Variants in KCNQ1 observed in about 807,000 individuals in gnomAD.
The protein encoded by KCNQ1 is potassium voltage-gated channel subfamily Q member 1.
In KCNQ1, 49 loss-of-function variants were observed where a neutral mutation model predicts 72.4. That is an observed-to-expected ratio of 0.68 (90% CI 0.54 to 0.86). The LOEUF is 0.86. Among genes scored for constraint, KCNQ1 ranks in the 40% least tolerant of loss-of-function variants. The probability of loss-of-function intolerance (pLI) is 0.00; values close to 1 mark genes in which losing one functional copy is unlikely to be tolerated. For synonymous variants in KCNQ1, 450 were observed against 412.6 expected (o/e 1.09, Z -1.10); for missense variants, 790 against 945.1 (o/e 0.84, Z 2.15).
chr11:2,732,375 C>T (rs1845871268), intron 11 of KCNQ1, among the ~76,000 whole-genome samples: 1 of 152,208 alleles, frequency 6.6e-6, no homozygotes, highest in East Asian at 1.9e-4. Context: ...GGTGCTGAGG[C>T]CACCAGCTGG....
At chr11:2,476,188 A>C (rs1846566100) in intron 1 of KCNQ1, among the ~76,000 whole-genome samples, 1 of 152,248 alleles carries the variant, frequency 6.6e-6, no homozygotes, top group Non-Finnish European at 1.5e-5. Context: ...TGGAACACTC[A>C]CAAACATTGA....
intron 10 of KCNQ1, chr11:2,625,530 TC>T (rs1044199859): frequency 2.8e-5 from 11 of 398,288 alleles, no homozygotes; most frequent in African/African-American, 2.3e-4. Flanking sequence ...CGTACTATTA[TC>T]CATTTGTATA....
chr11:2,731,399 C>G (rs1845856560), intron 11 of KCNQ1, among the ~76,000 whole-genome samples: 1 of 152,224 alleles, frequency 6.6e-6, no homozygotes, highest in African/African-American at 2.4e-5. Flanking sequence ...CACATTCCGG[C>G]TGTGTGTCAG....
chr11:2,701,810 C>T (rs927821820), intron 11 of KCNQ1, among the ~76,000 whole-genome samples: 2 of 152,214 alleles, frequency 1.3e-5, no homozygotes, highest in Admixed American at 1.3e-4. Context: ...CCAAAAAGAG[C>T]AGGGCAGGGC....
chr11:2,576,258 G>A (rs1325151435), intron 6 of KCNQ1, among the ~76,000 whole-genome samples: 8 of 152,194 alleles, frequency 5.3e-5, no homozygotes, highest in East Asian at 1.9e-4. Context: ...CAGCGAAGGC[G>A]CCGGCTCAGT....
At chr11:2,751,283 C>A (rs745957073) in intron 11 of KCNQ1, among the ~76,000 whole-genome samples, 15 of 152,208 alleles carry the variant, frequency 9.9e-5, no homozygotes, top group Non-Finnish European at 1.5e-4. Flanking sequence ...TCCTCCCACA[C>A]CCTCATCCAA....
intron 11 of KCNQ1, among the ~76,000 whole-genome samples, chr11:2,744,886 G>A (rs1461525261): frequency 2.0e-5 from 3 of 152,004 alleles, no homozygotes; most frequent in African/African-American, 7.2e-5. Context: ...CACCTGCCCT[G>A]CAGCCATTCC....
chr11:2,708,717 G>T (rs7925578), intron 11 of KCNQ1, among the ~76,000 whole-genome samples: 62,970 of 151,706 alleles, frequency 0.42, 14,041 homozygotes, highest in East Asian at 0.77. Context: ...CGCGGGTTGC[G>T]GGGGGCGGTC....
At position 2,621,815 on chromosome 11, in the gene KCNQ1, C is replaced by A. The variant is rs1251777318; in HGVS notation, c.1393+32961C>A. On this transcript the variant is annotated intron_variant, in intron 10 of 15. Coordinates refer to ENST00000155840, the MANE Select transcript of KCNQ1 (RefSeq NM_000218.3). The surrounding 1 kb of genome is among the most constrained non-coding windows in gnomAD (Gnocchi z 5.7). ...TTTTTCAAAAATCAATTCTTTGTTT[C>A]AAAAATTGAAGTCTTAGTTTTACTG... 5 of 398,236 alleles carry A rather than the reference C, an allele frequency of 1.3e-5. No homozygotes were observed. The highest frequency in any genetic ancestry group is 1.8e-5 in the Non-Finnish European group (4 of 225,892). The allele number at this position is 398,236 out of a possible 1,614,324, so 24.7% of individuals were successfully genotyped here.
chr11:2,848,084 C>A lies in KCNQ1; in HGVS notation c.*81C>A. ...CCACCTGGCCCTCTCTGAAGGAGGC[C>A]ACCTCCTAAAAGGCCCAGAGAGAAG... is the stretch of plus-strand genomic sequence containing the variant. On this transcript the variant is annotated 3_prime_UTR_variant, in exon 16 of 16. Transcript: ENST00000155840. The A allele has an allele frequency of 8.3e-7, 1 of 1,202,802 alleles. No homozygotes were observed. Among genetic ancestry groups the A allele is most frequent in the Non-Finnish European group, 1.2e-6 (1 of 842,388 alleles). 74.5% of individuals were successfully genotyped at this position (1,202,802 alleles called of 1,614,324 possible). A position where few individuals can be genotyped will look rare whatever the true frequency, so the allele number is the denominator to read the frequency against.
chr11:2,703,750 G>A lies in KCNQ1; in HGVS notation c.1514+41669G>A, dbSNP rs1850860149. On this transcript the variant is annotated intron_variant, in intron 11 of 15. Coordinates refer to ENST00000155840, the MANE Select transcript of KCNQ1 (RefSeq NM_000218.3). The surrounding 1 kb of genome is among the most constrained non-coding windows in gnomAD (Gnocchi z 6.4). ...GTGGGAGCCCCTCACCCAAGCAGCA[G>A]GATGTGTGGCAGGCCCTGGCCAAGG... Among the ~76,000 whole-genome samples, 1 of 152,208 alleles carries A rather than the reference G, an allele frequency of 6.6e-6. No homozygotes were observed. The highest frequency in any genetic ancestry group is 2.4e-5 in the African/African-American group (1 of 41,456).
At chr11:2,800,629 C>G (rs982201367) in intron 15 of KCNQ1, among the ~76,000 whole-genome samples, 2 of 152,186 alleles carry the variant, frequency 1.3e-5, no homozygotes, top group African/African-American at 4.8e-5. Flanking sequence ...AGGTTCCAAG[C>G]TTGAAGTGGA....
intron 11 of KCNQ1, among the ~76,000 whole-genome samples, chr11:2,744,849 T>G (rs1203991403): frequency 6.6e-6 from 1 of 152,148 alleles, no homozygotes; most frequent in Non-Finnish European, 1.5e-5. Context: ...CAGATTCCTT[T>G]TCCTCCGTGG....
chr11:2,844,107 C>A (rs1008234949), intron 15 of KCNQ1, among the ~76,000 whole-genome samples: 2 of 152,268 alleles, frequency 1.3e-5, no homozygotes, highest in South Asian at 4.1e-4. Flanking sequence ...TCCTCCATCG[C>A]CAAAAAAAAC....
intron 6 of KCNQ1, among the ~76,000 whole-genome samples, chr11:2,574,531 C>T (rs867393267): frequency 6.6e-6 from 1 of 152,170 alleles, no homozygotes; most frequent in Non-Finnish European, 1.5e-5. Context: ...CCGTCTGCCC[C>T]GAGTCCTCCT....
chr11:2,604,736 G>A (rs779153839), intron 10 of KCNQ1, among the ~76,000 whole-genome samples: 14 of 151,968 alleles, frequency 9.2e-5, no homozygotes, highest in Non-Finnish European at 1.5e-4. Flanking sequence ...GTAGAGACAG[G>A]GTTTTACCAT....
rs573577641 is a variant in KCNQ1 at position 2,495,963 on chromosome 11, T to C, written c.387-31965T>C. Among the ~76,000 whole-genome samples, 51 of 152,284 alleles carry C rather than the reference T, an allele frequency of 3.3e-4. No individual in the cohort carries two copies. Among genetic ancestry groups the C allele is most frequent in the African/African-American group, 1.2e-3 (51 of 41,550 alleles). On this transcript the variant is annotated intron_variant, in intron 1 of 15. Coordinates refer to ENST00000155840, the MANE Select transcript of KCNQ1 (RefSeq NM_000218.3). The surrounding 1 kb of genome is among the most constrained non-coding windows in gnomAD (Gnocchi z 4.6). Reference sequence around the variant, plus strand: ...GTTAAAGTCTCGCACTGTTATTGAGTAGGAATATAAGTCTCTTTGTAGGTC... The same window carrying C: ...GTTAAAGTCTCGCACTGTTATTGAGCAGGAATATAAGTCTCTTTGTAGGTC...
chr11:2,810,075 A>G (rs1370469650), intron 15 of KCNQ1, among the ~76,000 whole-genome samples: 3 of 152,168 alleles, frequency 2.0e-5, no homozygotes, highest in Non-Finnish European at 4.4e-5. Context: ...GCTGAATGTA[A>G]TTTTCCTTCA....
chr11:2,673,827 A>G lies in KCNQ1; in HGVS notation c.1514+11746A>G. ...GCCCTTCAATCCCAGGCCCACAAGCACCACAGCCAGGAGAGTCAAGGTTGG... is the reference window on the plus strand; with the variant it reads ...GCCCTTCAATCCCAGGCCCACAAGCGCCACAGCCAGGAGAGTCAAGGTTGG... On this transcript the variant is annotated intron_variant, in intron 11 of 15. Coordinates refer to ENST00000155840, the MANE Select transcript of KCNQ1 (RefSeq NM_000218.3). This position sits in a 1 kb window ranked among gnomAD's most constrained non-coding sequence, Gnocchi z 4.5. The G allele has an allele frequency of 2.5e-6, 1 of 398,752 alleles. No homozygotes were observed. Among genetic ancestry groups the G allele is most frequent in the Non-Finnish European group, 4.4e-6 (1 of 226,188 alleles). 24.7% of individuals were successfully genotyped at this position (398,752 alleles called of 1,614,324 possible).
Sources: allele counts gnomAD v4.1 joint callset (sites outside exome capture counted in the v4.1 genomes callset), GRCh38; gene constraint gnomAD v4.1.1; non-coding constraint Gnocchi (gnomAD v3.1); transcripts MANE v1.5; gene names NCBI Gene and HGNC (gene_info 2026-07-23, HGNC 2026-07-21).